Variants in BCAS3 observed in about 807,000 individuals in gnomAD.
BCAS3 encodes BCAS3 microtubule associated cell migration factor, also known as BCAS4/BCAS3 fusion.
Under a neutral mutation model 116.1 loss-of-function variants are expected in BCAS3, and 53 were observed. The observed-to-expected ratio is 0.46, with a 90% confidence interval of 0.37 to 0.57. The LOEUF is 0.57. Ranked by LOEUF, BCAS3 falls within the 20% of genes least tolerant of loss-of-function variation. The probability of loss-of-function intolerance (pLI) is 0.00; values close to 1 mark genes in which losing one functional copy is unlikely to be tolerated. For missense variants in BCAS3, 917 were observed against 1,165.4 expected (o/e 0.79, Z 3.10); for synonymous variants, 391 against 408.2 (o/e 0.96, Z 0.51).
In BCAS3 at chr17:61,307,924, C is replaced by T. The variant is rs187626001; in HGVS notation, c.2426-60403C>T. On this transcript the variant is annotated intron_variant, in intron 22 of 23. Coordinates refer to ENST00000407086, the MANE Select transcript of BCAS3 (RefSeq NM_017679.5). This position sits in a 1 kb window ranked among gnomAD's most constrained non-coding sequence, Gnocchi z 4.7. ...CGTGAGCAACCCCAAACAGTATACA[C>T]CTTGACAATGTGGAGACTCAAGATT... Among the ~76,000 whole-genome samples the T allele has an allele frequency of 6.6e-6, 1 of 152,224 alleles. No homozygotes were observed. The highest frequency in any genetic ancestry group is 1.9e-4 in the East Asian group (1 of 5,190).
intron 7 of BCAS3, among the ~76,000 whole-genome samples, chr17:60,842,057 A>G (rs2051991497): frequency 6.6e-6 from 1 of 152,192 alleles, no homozygotes; most frequent in Non-Finnish European, 1.5e-5. Context: ...TTAGATTTAT[A>G]TACTCGTTTT....
chr17:61,200,295 A>G lies in BCAS3; in HGVS notation c.2425+115731A>G, dbSNP rs1247379042. On this transcript the variant is annotated intron_variant, in intron 22 of 23. Transcript: ENST00000407086. The surrounding 1 kb of genome is among the most constrained non-coding windows in gnomAD (Gnocchi z 5.1). Reference sequence around the variant, plus strand: ...TGAGAAGGAGATTAATATTAATACAATTAGTTAGTTAGCTTATTATTCTTG... The same window carrying G: ...TGAGAAGGAGATTAATATTAATACAGTTAGTTAGTTAGCTTATTATTCTTG... Among the ~76,000 whole-genome samples, 3 of 152,258 alleles carry G rather than the reference A, an allele frequency of 2.0e-5. No individual in the cohort carries two copies. Among genetic ancestry groups the G allele is most frequent in the Non-Finnish European group, 2.9e-5 (2 of 68,054 alleles).
chr17:61,057,626 A>G (rs1336525527), intron 19 of BCAS3, among the ~76,000 whole-genome samples: 1 of 152,122 alleles, frequency 6.6e-6, no homozygotes, highest in Admixed American at 6.5e-5. Flanking sequence ...TTAAAAGAGG[A>G]GGAAACAAGC....
At chr17:60,756,279 G>A (rs2144319527) in intron 6 of BCAS3, among the ~76,000 whole-genome samples, 1 of 152,312 alleles carries the variant, frequency 6.6e-6, no homozygotes, top group Admixed American at 6.5e-5. Flanking sequence ...CTAACAGGAG[G>A]TGGAGCACAG....
At chr17:61,075,114 T>C in intron 20 of BCAS3, 94 bp downstream of exon 20, 1 of 926,916 alleles carries the variant, frequency 1.1e-6, no homozygotes, top group East Asian at 2.6e-5. Flanking sequence ...GGAGAATTGG[T>C]AACTCTTTAT....
In BCAS3 at chr17:61,278,656, T is replaced by TA. The variant is rs1397910023; in HGVS notation, c.2426-89666dup. ...CTACAGTGGAACACAAAATATTCCA[T>TA]AAAAAGGAATGAAATTTTCATACAT... On this transcript the variant is annotated intron_variant, in intron 22 of 23. Coordinates refer to ENST00000407086, the MANE Select transcript of BCAS3 (RefSeq NM_017679.5). The surrounding 1 kb of genome is among the most constrained non-coding windows in gnomAD (Gnocchi z 5.8). Among the ~76,000 whole-genome samples the TA allele has an allele frequency of 6.6e-6, 1 of 152,104 alleles. No individual in the cohort carries two copies. Among genetic ancestry groups the TA allele is most frequent in the East Asian group, 1.9e-4 (1 of 5,198 alleles).
In BCAS3 at chr17:61,248,686, C is replaced by T. The variant is rs1458858505; in HGVS notation, c.2426-119641C>T. ...CCAGCTTTGTGGCAGATGACCAACCCTGATAGCCTGATTTTTAAGGCCCCT... is the reference window on the plus strand; with the variant it reads ...CCAGCTTTGTGGCAGATGACCAACCTTGATAGCCTGATTTTTAAGGCCCCT... On this transcript the variant is annotated intron_variant, in intron 22 of 23. Coordinates refer to ENST00000407086, the MANE Select transcript of BCAS3 (RefSeq NM_017679.5). The surrounding 1 kb of genome is among the most constrained non-coding windows in gnomAD (Gnocchi z 4.3). 6.6e-6 allele frequency among the ~76,000 whole-genome samples: 1 copy of T among 152,134 alleles called. No homozygotes were observed. The highest frequency in any genetic ancestry group is 2.4e-5 in the African/African-American group (1 of 41,426).
intron 10 of BCAS3, among the ~76,000 whole-genome samples, chr17:60,892,317 T>A (rs972920756): frequency 4.0e-5 from 6 of 151,618 alleles, no homozygotes; most frequent in Admixed American, 6.6e-5. Flanking sequence ...GACTTATTTT[T>A]TTTTTTTTTT....
At chr17:60,686,177 C>T (rs933618634) in intron 3 of BCAS3, among the ~76,000 whole-genome samples, 1 of 152,024 alleles carries the variant, frequency 6.6e-6, no homozygotes, top group Non-Finnish European at 1.5e-5. Context: ...CTATGTTAGA[C>T]ATTTTTTCTA....
intron 7 of BCAS3, among the ~76,000 whole-genome samples, chr17:60,843,065 G>A (rs1283937998): frequency 4.0e-5 from 6 of 150,082 alleles, no homozygotes; most frequent in Non-Finnish European, 8.9e-5. Context: ...ATAGAGAGAG[G>A]GTCTTGCTAC....
intron 4 of BCAS3, among the ~76,000 whole-genome samples, chr17:60,702,375 T>C (rs1314198846): frequency 6.6e-6 from 1 of 152,204 alleles, no homozygotes; most frequent in East Asian, 1.9e-4. Context: ...ATCATGTTAA[T>C]TGTAAAACTA....
chr17:60,760,893 C>T (rs941634639), intron 6 of BCAS3, among the ~76,000 whole-genome samples: 1 of 152,044 alleles, frequency 6.6e-6, no homozygotes, highest in South Asian at 2.1e-4. Flanking sequence ...AAAGGCTTTG[C>T]TCATTCTTTT....
intron 13 of BCAS3, among the ~76,000 whole-genome samples, chr17:60,926,950 A>T (rs2059393701): frequency 6.6e-6 from 1 of 152,226 alleles, no homozygotes; most frequent in African/African-American, 2.4e-5. Context: ...CTGGGACACT[A>T]GGTTTATAAC....
At chr17:61,386,462 CCAGT>C (rs2143657015) in intron 23 of BCAS3, among the ~76,000 whole-genome samples, 1 of 152,362 alleles carries the variant, frequency 6.6e-6, no homozygotes, top group Non-Finnish European at 1.5e-5. Flanking sequence ...CAGCCAGGGC[CCAGT>C]CACAGTGCTC....
At chr17:61,331,895 G>A (rs1646726525) in intron 22 of BCAS3, among the ~76,000 whole-genome samples, 1 of 152,166 alleles carries the variant, frequency 6.6e-6, no homozygotes, top group Non-Finnish European at 1.5e-5. Flanking sequence ...GGGCTGGCAA[G>A]AGCTTTATCT....
chr17:60,698,663 G>A (rs535488718), intron 4 of BCAS3, among the ~76,000 whole-genome samples: 1 of 152,274 alleles, frequency 6.6e-6, no homozygotes, highest in South Asian at 2.1e-4. Context: ...ATTGGATTGA[G>A]TATCAAAAAG....
chr17:61,089,985 A>G (rs555058274), intron 22 of BCAS3, among the ~76,000 whole-genome samples: 1 of 152,308 alleles, frequency 6.6e-6, no homozygotes, highest in South Asian at 2.1e-4. Flanking sequence ...TGTTCAGTCT[A>G]CAATGATGTG....
chr17:61,310,908 A>G (rs1602589903), intron 22 of BCAS3, among the ~76,000 whole-genome samples: 1 of 152,216 alleles, frequency 6.6e-6, no homozygotes, highest in Non-Finnish European at 1.5e-5. Context: ...TGTTGAGCTC[A>G]GGAGATAAGA....
In BCAS3 at chr17:61,256,584, G is replaced by T. The variant is rs918549007; in HGVS notation, c.2426-111743G>T. ...CTCCCAAAGTGCTGGGATTACAGGC[G>T]TGAGCCACCGCGCCTGGCCGTTTGG... On this transcript the variant is annotated intron_variant, in intron 22 of 23. Coordinates refer to ENST00000407086, the MANE Select transcript of BCAS3 (RefSeq NM_017679.5). This position sits in a 1 kb window ranked among gnomAD's most constrained non-coding sequence, Gnocchi z 5.6. Among the ~76,000 whole-genome samples, 1 of 152,170 alleles carries T rather than the reference G, an allele frequency of 6.6e-6. No homozygotes were observed. Among genetic ancestry groups the T allele is most frequent in the Non-Finnish European group, 1.5e-5 (1 of 68,032 alleles).
Sources: gnomAD v4.1 joint callset for allele counts (sites outside exome capture counted in the v4.1 genomes callset) on GRCh38, gnomAD v4.1.1 for gene constraint, Gnocchi (gnomAD v3.1) non-coding constraint, MANE v1.5 for transcripts, NCBI Gene and HGNC (gene_info 2026-07-23, HGNC 2026-07-21) for gene names.